EFCC1: variants seen among roughly 807,000 people sequenced by gnomAD.
The protein encoded by EFCC1 is EF-hand and coiled-coil domain containing 1.
Under a neutral mutation model 52.1 loss-of-function variants are expected in EFCC1, and 50 were observed. That is an observed-to-expected ratio of 0.96 (90% CI 0.76 to 1.21). EFCC1 has a LOEUF of 1.21. Ranked by LOEUF, EFCC1 falls within the 50% of genes most tolerant of loss-of-function variation. EFCC1 has a pLI of 0.00. For missense variants in EFCC1, 837 were observed against 867.3 expected, an observed-to-expected ratio of 0.97 and a Z score of 0.44; for synonymous variants, 399 against 396.5, an observed-to-expected ratio of 1.01 and a Z score of -0.08.
chr3:129,027,207 C>A (rs1946144799), intron 2 of EFCC1, among the ~76,000 whole-genome samples: 3 of 152,200 alleles, frequency 2.0e-5, no homozygotes, highest in African/African-American at 7.2e-5. Context: ...GGGCCACTCA[C>A]GGTGGCCAGG....
chr3:129,017,118 C>T (rs1020188388), intron 2 of EFCC1, among the ~76,000 whole-genome samples: 1 of 152,232 alleles, frequency 6.6e-6, no homozygotes, highest in Non-Finnish European at 1.5e-5. Context: ...ACGGGTCCTC[C>T]TGGCAGACTT....
intron 2 of EFCC1, among the ~76,000 whole-genome samples, chr3:129,021,577 A>C (rs1047624137): frequency 2.0e-5 from 3 of 152,112 alleles, no homozygotes; most frequent in Non-Finnish European, 4.4e-5. Context: ...TCCGTCTCAA[A>C]AAACAAACAA....
chr3:129,025,927 C>T (rs1946085774), intron 2 of EFCC1, among the ~76,000 whole-genome samples: 1 of 152,232 alleles, frequency 6.6e-6, no homozygotes, highest in South Asian at 2.1e-4. Context: ...CGGGTCATTC[C>T]AGAGCCTGCC....
intron 2 of EFCC1, among the ~76,000 whole-genome samples, chr3:129,013,734 C>G (rs1453434895): frequency 6.6e-6 from 1 of 152,224 alleles, no homozygotes; most frequent in Non-Finnish European, 1.5e-5. Context: ...CTCTGATTAG[C>G]TAGACCTGGC....
Position 129,014,534 on chromosome 3 carries a change from C to T in EFCC1, c.980+10457C>T, listed in dbSNP as rs1206986577. 6.6e-6 allele frequency among the ~76,000 whole-genome samples: 1 copy of T among 152,224 alleles called. No individual in the cohort carries two copies. Among genetic ancestry groups the T allele is most frequent in the African/African-American group, 2.4e-5 (1 of 41,452 alleles). ...ACACCAGTCAGACTGGATTAGGGCCCACCCTAAAGACCTCATTTTAACTTG... is the reference window on the plus strand; with the variant it reads ...ACACCAGTCAGACTGGATTAGGGCCTACCCTAAAGACCTCATTTTAACTTG... On this transcript the variant is annotated intron_variant, in intron 2 of 7. Coordinates refer to ENST00000683648, the MANE Select transcript of EFCC1 (RefSeq NM_001377500.1). This position sits in a 1 kb window ranked among gnomAD's most constrained non-coding sequence, Gnocchi z 4.3.
At chr3:129,033,331 G>A (rs1260183059) in intron 4 of EFCC1, among the ~76,000 whole-genome samples, 6 of 152,136 alleles carry the variant, frequency 3.9e-5, no homozygotes, top group African/African-American at 1.2e-4. Flanking sequence ...CCGGGCAGGT[G>A]CTGGCTCCCT....
chr3:129,022,137 T>C (rs1401500719), intron 2 of EFCC1, among the ~76,000 whole-genome samples: 1 of 152,194 alleles, frequency 6.6e-6, no homozygotes, highest in African/African-American at 2.4e-5. Flanking sequence ...CATATCTATA[T>C]AGAACCTGTA....
chr3:129,023,316 T>C (rs1190951467), intron 2 of EFCC1, among the ~76,000 whole-genome samples: 2 of 151,536 alleles, frequency 1.3e-5, no homozygotes, highest in Admixed American at 1.3e-4. Flanking sequence ...GCTTCTTTTT[T>C]TTTTTTTTTT....
rs899277551 is a variant in EFCC1, at chr3:129,010,556, G to A, written c.980+6479G>A. ...GAGGGACGGCAATTGGCTGGCCACC[G>A]TGGAGGGGACACAAAGATGAGGCCA... On this transcript the variant is annotated intron_variant, in intron 2 of 7. Transcript: ENST00000683648. This position sits in a 1 kb window ranked among gnomAD's most constrained non-coding sequence, Gnocchi z 4.3. Among the ~76,000 whole-genome samples, 3 of 152,124 alleles carry A rather than the reference G, an allele frequency of 2.0e-5. No homozygotes were observed. Among genetic ancestry groups the A allele is most frequent in the Non-Finnish European group, 4.4e-5 (3 of 68,010 alleles).
intron 7 of EFCC1, 89 bp downstream of exon 7, chr3:129,038,989 C>G (rs960641307): frequency 1.1e-5 from 13 of 1,138,704 alleles, no homozygotes; most frequent in Non-Finnish European, 1.7e-5. Flanking sequence ...TGCTTAGCAT[C>G]TTGTCTGCAA....
rs3732431 is a variant in EFCC1 at position 129,037,128 on chromosome 3, G to A, written c.1593+11G>A. On this transcript the variant is annotated intron_variant, in intron 6 of 7. Transcript: ENST00000683648. ...AGGCTCCGGGACCTGGTAGGCTCAC[G>A]GGAGAGCTGCCACACTCAGGGAAGG... 0.41 allele frequency: 647,436 copies of A among 1,593,548 alleles called. 134,714 individuals are homozygous for A. Among genetic ancestry groups the A allele is most frequent in the Non-Finnish European group, 0.43 (503,258 of 1,173,004 alleles).
rs771513415 is a variant in EFCC1 at position 129,002,048 on chromosome 3, C to T, written c.420C>T (p.Leu140=). 1 of 1,541,450 alleles carries T rather than the reference C, an allele frequency of 6.5e-7. No homozygotes were observed. The highest frequency in any genetic ancestry group is 1.2e-5 in the South Asian group (1 of 82,834). ...RLALRAEPPE[L]TFRQFHARLC... The stretch of plus-strand genomic sequence containing the variant: ...CGCTGCGCGCCGAGCCGCCGGAGCT[C>T]ACCTTCCGCCAGTTCCACGCGCGCC... The change falls in exon 1 of 8, where the codon CTC becomes CTT. Residue 140 remains leucine (L), a synonymous_variant. Coordinates refer to ENST00000683648, the MANE Select transcript of EFCC1 (RefSeq NM_001377500.1).
At chr3:129,027,856 A>AGACAT (rs1455366585) in intron 2 of EFCC1, among the ~76,000 whole-genome samples, 6 of 152,050 alleles carry the variant, frequency 3.9e-5, no homozygotes, top group African/African-American at 1.2e-4. Flanking sequence ...TGGGAGGCTG[A>AGACAT]GACATGACAA....
chr3:129,031,159 G>A (rs1946264758), intron 3 of EFCC1, among the ~76,000 whole-genome samples: 1 of 152,242 alleles, frequency 6.6e-6, no homozygotes, highest in South Asian at 2.1e-4. Context: ...GCTGGATGTG[G>A]TAGCTCACGC....
chr3:129,020,925 C>T (rs1301715580), intron 2 of EFCC1, among the ~76,000 whole-genome samples: 7 of 152,182 alleles, frequency 4.6e-5, no homozygotes, highest in Non-Finnish European at 4.4e-5. Context: ...GTGGGCACCT[C>T]GTAGTCCCAG....
chr3:129,019,149 A>G (rs1252687781), intron 2 of EFCC1, among the ~76,000 whole-genome samples: 2 of 152,262 alleles, frequency 1.3e-5, no homozygotes, highest in African/African-American at 4.8e-5. Flanking sequence ...TGATGTAATC[A>G]GGTTCACCAA....
intron 6 of EFCC1, among the ~76,000 whole-genome samples, 177 bp from the exon 7 acceptor site, chr3:129,038,653 TG>T (rs1286127872): frequency 6.6e-6 from 1 of 152,012 alleles, no homozygotes; most frequent in African/African-American, 2.4e-5. Context: ...CAAGAGTCTC[TG>T]GGAAGTGCAG....
chr3:129,034,062 C>A, intron 4 of EFCC1, 102 bp from the exon 5 acceptor site: 2 of 1,507,060 alleles, frequency 1.3e-6, no homozygotes, highest in South Asian at 2.5e-5. Context: ...CCTGGCTTTG[C>A]TTTAGGAGGC....
At chr3:129,038,056 C>T (rs1039368526) in intron 6 of EFCC1, among the ~76,000 whole-genome samples, 23 of 130,498 alleles carry the variant, frequency 1.8e-4, no homozygotes, top group Admixed American at 6.8e-4. Context: ...AGAGTAAGAC[C>T]TTATCTCAAA....
Sources: allele counts gnomAD v4.1 joint callset (sites outside exome capture counted in the v4.1 genomes callset), GRCh38; gene constraint gnomAD v4.1.1; non-coding constraint Gnocchi (gnomAD v3.1); transcripts MANE v1.5; gene names NCBI Gene and HGNC (gene_info 2026-07-23, HGNC 2026-07-21).